The following CACNA2D3 variants were observed in gnomAD, a reference collection of about 807,000 sequenced individuals.
CACNA2D3 encodes calcium voltage-gated channel auxiliary subunit alpha2delta 3.
CACNA2D3 carries 60 observed loss-of-function variants against 160.6 expected under a neutral mutation model. The ratio of observed to expected loss-of-function variants is 0.37; its 90% confidence interval spans 0.30 to 0.46. The LOEUF (loss-of-function observed/expected upper bound fraction) is 0.46, where lower values mean the gene tolerates loss of function less well. CACNA2D3 is among the 20% of genes least tolerant of loss of function. The probability of loss-of-function intolerance (pLI) is 1.00; values close to 1 mark genes in which losing one functional copy is unlikely to be tolerated. For synonymous variants in CACNA2D3, 558 were observed against 492.9 expected (o/e 1.13, Z -1.75); for missense variants, 1,205 against 1,365.0 (o/e 0.88, Z 1.85).
chr3:54,549,455 A>C (rs555988353), intron 5 of CACNA2D3, among the ~76,000 whole-genome samples: 1 of 152,238 alleles, frequency 6.6e-6, no homozygotes, highest in East Asian at 1.9e-4. Flanking sequence ...CAAAAACAAA[A>C]AAAACAACAA....
chr3:54,570,133 C>A (rs1473959513), intron 8 of CACNA2D3, 29 bp downstream of exon 8: 9 of 1,603,104 alleles, frequency 5.6e-6, no homozygotes, highest in Non-Finnish European at 7.7e-6. Flanking sequence ...GCCTTCTTTG[C>A]ACTTGGGTTC....
chr3:54,905,111 AG>A (rs2106898882), intron 27 of CACNA2D3, among the ~76,000 whole-genome samples: 2 of 152,330 alleles, frequency 1.3e-5, no homozygotes, highest in East Asian at 3.9e-4. Flanking sequence ...TTATTGAGGT[AG>A]GATTTATATA....
intron 4 of CACNA2D3, among the ~76,000 whole-genome samples, chr3:54,493,315 A>G (rs533226925): frequency 6.6e-6 from 1 of 152,048 alleles, no homozygotes; most frequent in African/African-American, 2.4e-5. Flanking sequence ...GAGCTCAGGC[A>G]GTCCACCCGT....
chr3:54,763,535 A>G (rs944860659), intron 12 of CACNA2D3, among the ~76,000 whole-genome samples: 1 of 151,510 alleles, frequency 6.6e-6, no homozygotes, highest in Non-Finnish European at 1.5e-5. Context: ...CACAAAAATG[A>G]AAAAATAAGG....
chr3:54,839,797 C>T (rs1367222537), intron 16 of CACNA2D3, among the ~76,000 whole-genome samples: 2 of 152,098 alleles, frequency 1.3e-5, no homozygotes, highest in African/African-American at 4.8e-5. Flanking sequence ...CTGGCTCCAT[C>T]GTTGATGAGG....
intron 9 of CACNA2D3, among the ~76,000 whole-genome samples, chr3:54,627,213 TTTAA>T (rs1699140346): frequency 1.3e-5 from 2 of 151,990 alleles, no homozygotes. Flanking sequence ...GGGGACAGAG[TTTAA>T]TTATGCAGTG....
chr3:55,027,586 T>A (rs550430089), intron 35 of CACNA2D3, among the ~76,000 whole-genome samples: 4 of 152,170 alleles, frequency 2.6e-5, no homozygotes, highest in Non-Finnish European at 5.9e-5. Flanking sequence ...AATGAGATTT[T>A]TCAGGTCTAG....
chr3:54,677,382 A>G (rs1373676533), intron 11 of CACNA2D3, among the ~76,000 whole-genome samples: 1 of 152,196 alleles, frequency 6.6e-6, no homozygotes, highest in African/African-American at 2.4e-5. Flanking sequence ...TTGAGTTGAT[A>G]TTTGAACTAA....
chr3:54,131,130 T>C (rs988904247), intron 2 of CACNA2D3, among the ~76,000 whole-genome samples: 3 of 152,234 alleles, frequency 2.0e-5, no homozygotes, highest in Admixed American at 6.5e-5. Context: ...GTAATCTTCA[T>C]TGAGCTTCTG....
At chr3:54,911,048 C>G (rs1358563142) in intron 27 of CACNA2D3, among the ~76,000 whole-genome samples, 1 of 152,090 alleles carries the variant, frequency 6.6e-6, no homozygotes, top group Non-Finnish European at 1.5e-5. Flanking sequence ...AATCCACAAC[C>G]ACCCCTCCCA....
chr3:54,261,431 C>T (rs1446941298), intron 2 of CACNA2D3, among the ~76,000 whole-genome samples: 2 of 152,126 alleles, frequency 1.3e-5, no homozygotes, highest in South Asian at 4.1e-4. Context: ...AGTCTTGGTC[C>T]TAGGACTGCT....
intron 4 of CACNA2D3, among the ~76,000 whole-genome samples, chr3:54,489,106 G>T (rs776550290): frequency 2.0e-5 from 3 of 152,176 alleles, no homozygotes; most frequent in Non-Finnish European, 2.9e-5. Flanking sequence ...GTGCTGGTGT[G>T]GCTGGCCAGG....
chr3:54,500,771 AT>A (rs921123398), intron 4 of CACNA2D3, among the ~76,000 whole-genome samples: 1 of 152,130 alleles, frequency 6.6e-6, no homozygotes, highest in Admixed American at 6.6e-5. Context: ...TTTACAACTA[AT>A]TTAAGTCCAC....
At chr3:55,009,842 C>T (rs891961481) in intron 34 of CACNA2D3, among the ~76,000 whole-genome samples, 3 of 152,172 alleles carry the variant, frequency 2.0e-5, no homozygotes, top group African/African-American at 7.2e-5. Context: ...GAACATAAAT[C>T]TGACCACATT....
At chr3:54,304,584 C>A (rs1031091168) in intron 2 of CACNA2D3, among the ~76,000 whole-genome samples, 5 of 151,946 alleles carry the variant, frequency 3.3e-5, no homozygotes, top group African/African-American at 1.2e-4. Flanking sequence ...AACATTTTTC[C>A]CCCTTCTATT....
At position 54,227,087 on chromosome 3, in the gene CACNA2D3, A is replaced by G. The variant is rs1036503502; in HGVS notation, c.205-93355A>G. 1.4e-4 allele frequency among the ~76,000 whole-genome samples: 22 copies of G among 152,340 alleles called. 1 individual carries two copies. The South Asian group carries it at 2.7e-3, about 19-fold the overall frequency. On this transcript the variant is annotated intron_variant, in intron 2 of 37. Transcript: ENST00000474759. ...TTTGTCCTGGCAGACCGGCAGGGTC[A>G]TTGTGAAGATGGCAGAACATGTTGA... is the stretch of plus-strand genomic sequence containing the variant.
At chr3:54,596,745 C>T (rs558893314) in intron 9 of CACNA2D3, among the ~76,000 whole-genome samples, 9 of 152,264 alleles carry the variant, frequency 5.9e-5, no homozygotes, top group African/African-American at 1.7e-4. Flanking sequence ...TTCTTAAAAC[C>T]AGACCATTGC....
At chr3:54,289,158 C>G (rs1294552755) in intron 2 of CACNA2D3, among the ~76,000 whole-genome samples, 1 of 152,070 alleles carries the variant, frequency 6.6e-6, no homozygotes, top group African/African-American at 2.4e-5. Flanking sequence ...CTAGAAAGCC[C>G]CATCATCTCA....
chr3:54,509,788 A>G (rs1701431019), intron 5 of CACNA2D3, among the ~76,000 whole-genome samples: 1 of 152,176 alleles, frequency 6.6e-6, no homozygotes, highest in Non-Finnish European at 1.5e-5. Flanking sequence ...TTTCTCTTCT[A>G]GTTTGGAAAT....
Sources: gnomAD v4.1 joint callset for allele counts (sites outside exome capture counted in the v4.1 genomes callset) on GRCh38, gnomAD v4.1.1 for gene constraint, MANE v1.5 for transcripts, NCBI Gene and HGNC (gene_info 2026-07-23, HGNC 2026-07-21) for gene names.